The following ENTPD1 variants were observed in gnomAD, a reference collection of about 807,000 sequenced individuals.
ENTPD1 encodes ATP diphosphohydrolase.
Under a neutral mutation model 57.0 loss-of-function variants are expected in ENTPD1, and 33 were observed. The ratio of observed to expected loss-of-function variants is 0.58; its 90% CI spans 0.44 to 0.77. The LOEUF (loss-of-function observed/expected upper bound fraction) is 0.77, where lower values mean the gene tolerates loss of function less well. ENTPD1 is among the 30% of genes least tolerant of loss of function. The pLI is 0.00. For missense variants in ENTPD1, 501 were observed against 603.4 expected (o/e 0.83, Z 1.78); for synonymous variants, 202 against 218.8 (o/e 0.92, Z 0.68).
chr10:95,807,425 T>C (rs1251111391), intron 1 of ENTPD1, among the ~76,000 whole-genome samples: 1 of 152,226 alleles, frequency 6.6e-6, no homozygotes, highest in East Asian at 1.9e-4. Flanking sequence ...ACAGCTTCCC[T>C]TGGCTAGGAA....
chr10:95,801,686 A>G (rs961132213), intron 1 of ENTPD1, among the ~76,000 whole-genome samples: 21 of 151,704 alleles, frequency 1.4e-4, no homozygotes, highest in African/African-American at 4.6e-4. Flanking sequence ...CCATTGGTCT[A>G]TGTGTCTGAT....
chr10:95,777,218 T>C (rs938274107), intron 1 of ENTPD1, among the ~76,000 whole-genome samples: 3 of 152,210 alleles, frequency 2.0e-5, no homozygotes, highest in Admixed American at 6.5e-5. Context: ...GCCCTCTGGT[T>C]TTTAGAATTT....
chr10:95,757,802 C>T (rs1467855995), intron 1 of ENTPD1, among the ~76,000 whole-genome samples: 5 of 151,590 alleles, frequency 3.3e-5, no homozygotes, highest in African/African-American at 7.3e-5. Flanking sequence ...GTCAGGAGTT[C>T]GAGACCGGCC....
Position 95,866,906 on chromosome 10 carries a change from A to G in ENTPD1, c.*523A>G, listed in dbSNP as rs943386375. 9 of 1,019,726 alleles carry G rather than the reference A, an allele frequency of 8.8e-6. No homozygotes were observed. Among genetic ancestry groups the G allele is most frequent in the East Asian group, 8.9e-5 (1 of 11,270 alleles). The allele number at this position is 1,019,726 out of a possible 1,614,324, so 63.2% of individuals were successfully genotyped here. A position where few individuals can be genotyped will look rare whatever the true frequency, so the allele number is the denominator to read the frequency against. The stretch of plus-strand genomic sequence containing the variant: ...TGCTCTGTGGGTAGGAGAATTTTCT[A>G]CAGTAGGCAAATATGTGCTAAAGCC... On this transcript the variant is annotated 3_prime_UTR_variant, in exon 10 of 10. Transcript: ENST00000371205.
rs2098474675 is a variant in ENTPD1, at chr10:95,866,467, T to A, written c.*84T>A. 1 of 1,574,810 alleles carries A rather than the reference T, an allele frequency of 6.3e-7. No individual in the cohort carries two copies. The highest frequency in any genetic ancestry group is 1.3e-5 in the African/African-American group (1 of 74,116). On this transcript the variant is annotated 3_prime_UTR_variant, in exon 10 of 10. Transcript: ENST00000371205. ...TCCTCCATCGCAGTGTTCAAGGCCA[T>A]CCTTCCCTGTCTGCCAGGGCCAGTC...
At chr10:95,805,019 G>A (rs1001771233) in intron 1 of ENTPD1, among the ~76,000 whole-genome samples, 1 of 152,130 alleles carries the variant, frequency 6.6e-6, no homozygotes, top group African/African-American at 2.4e-5. Context: ...TTGGTGCAGA[G>A]CTGAGTTCAA....
At chr10:95,732,966 G>C (rs1201243503) in intron 1 of ENTPD1, among the ~76,000 whole-genome samples, 1 of 152,200 alleles carries the variant, frequency 6.6e-6, no homozygotes, top group Non-Finnish European at 1.5e-5. Context: ...GGCACGCATT[G>C]TCATTGATAA....
chr10:95,871,301 C>T lies in ENTPD1; in HGVS notation c.*4918C>T. 1 of 984,812 alleles carries T rather than the reference C, an allele frequency of 1.0e-6. No homozygotes were observed. The highest frequency in any genetic ancestry group is 1.2e-6 in the Non-Finnish European group (1 of 829,372). The allele number at this position is 984,812 out of a possible 1,614,324, so 61.0% of individuals were successfully genotyped here. ...ACTGTAAAATATAATCTGTTTATCT[C>T]ACCAAAGAAATATTATCTTTAAAAA... On this transcript the variant is annotated 3_prime_UTR_variant, in exon 10 of 10. Coordinates refer to ENST00000371205, the MANE Select transcript of ENTPD1 (RefSeq NM_001776.6).
chr10:95,851,578 C>T (rs548051125), intron 7 of ENTPD1, among the ~76,000 whole-genome samples: 1 of 124,322 alleles, frequency 8.0e-6, no homozygotes, highest in Non-Finnish European at 1.7e-5. Context: ...ATCCCTCCCC[C>T]CTCCCCCCAC....
chr10:95,864,049 A>T (rs2098469853), intron 8 of ENTPD1, among the ~76,000 whole-genome samples: 1 of 152,198 alleles, frequency 6.6e-6, no homozygotes, highest in African/African-American at 2.4e-5. Context: ...AGGGAGTAGG[A>T]TGAGTAAACA....
chr10:95,876,539 CATCT>C lies in ENTPD1; in HGVS notation c.*10157_*10160del. The C allele has an allele frequency of 8.1e-7, 1 of 1,231,220 alleles. No homozygotes were observed. Among genetic ancestry groups the C allele is most frequent in the Non-Finnish European group, 1.0e-6 (1 of 987,686 alleles). The allele number at this position is 1,231,220 out of a possible 1,614,324, so 76.3% of individuals were successfully genotyped here. A position where few individuals can be genotyped will look rare whatever the true frequency, so the allele number is the denominator to read the frequency against. On this transcript the variant is annotated 3_prime_UTR_variant, in exon 10 of 10. Transcript: ENST00000371205. Reference sequence around the variant, plus strand: ...TTACCTTTGCAATAGTCAACTGAACCATCTTCTTGGAGTACTCATGAAGATGGAA... The same window carrying C: ...TTACCTTTGCAATAGTCAACTGAACCTCTTGGAGTACTCATGAAGATGGAA...
upstream of ENTPD1, among the ~76,000 whole-genome samples, chr10:95,707,189 C>G (rs183144588): frequency 2.0e-5 from 3 of 152,284 alleles, no homozygotes; most frequent in East Asian, 5.8e-4. Context: ...GCTGCAGCTG[C>G]ACCCGGGAGG....
In ENTPD1 at chr10:95,870,528, C is replaced by T; in HGVS notation, c.*4145C>T. 3 of 978,550 alleles carry T rather than the reference C, an allele frequency of 3.1e-6. No individual in the cohort carries two copies. Among genetic ancestry groups the T allele is most frequent in the South Asian group, 9.5e-5 (2 of 21,136 alleles). 60.6% of individuals were successfully genotyped at this position (978,550 alleles called of 1,614,324 possible). On this transcript the variant is annotated 3_prime_UTR_variant, in exon 10 of 10. Transcript: ENST00000371205. ...TCCTGCCCTCAAGCAATCCTCCTGC[C>T]TTGGCCTCCCAAAGTGTTGAGATTA...
At chr10:95,703,257 A>G in the ENTPD1 span, among the ~76,000 whole-genome samples, 2 of 152,222 alleles carry the variant, frequency 1.3e-5, no homozygotes, top group African/African-American at 2.4e-5. Context: ...GACCCACACA[A>G]AGAATTGCTA....
At chr10:95,813,176 A>G (rs537644269) in intron 1 of ENTPD1, among the ~76,000 whole-genome samples, 3 of 152,348 alleles carry the variant, frequency 2.0e-5, no homozygotes, top group Admixed American at 6.5e-5. Flanking sequence ...GTTGGGAAGT[A>G]TAGCCTCCAG....
intron 2 of ENTPD1, among the ~76,000 whole-genome samples, chr10:95,838,944 T>TC (rs1242767243): frequency 6.6e-6 from 1 of 151,888 alleles, no homozygotes; most frequent in African/African-American, 2.4e-5. Flanking sequence ...TCTTTTCATC[T>TC]CCCCCTACTC....
At chr10:95,816,043 C>G (rs959388683) in intron 1 of ENTPD1, among the ~76,000 whole-genome samples, 1 of 152,212 alleles carries the variant, frequency 6.6e-6, no homozygotes, top group Non-Finnish European at 1.5e-5. Flanking sequence ...CTGAGGCTTT[C>G]TTTCCTTTTC....
chr10:95,839,464 T>C, intron 2 of ENTPD1: 1 of 568,050 alleles, frequency 1.8e-6, no homozygotes, highest in South Asian at 1.9e-5. Flanking sequence ...CTGTTCTGCA[T>C]AAGGTCTGAA....
rs1354827875 is a variant in ENTPD1, at chr10:95,796,668, G to GA, written c.17-26569_17-26568insA. Among the ~76,000 whole-genome samples, 7 of 152,256 alleles carry GA rather than the reference G, an allele frequency of 4.6e-5. No individual in the cohort carries two copies. In the East Asian group the frequency reaches 1.3e-3, roughly 29 times the overall value. ...ATACTAGTTAGGGCCACATACTGAG[G>GA]TTTGCATTTTTAGGATGACTATGTT... On this transcript the variant is annotated intron_variant, in intron 1 of 9. Coordinates refer to ENST00000371205, the MANE Select transcript of ENTPD1 (RefSeq NM_001776.6).
Sources: allele counts gnomAD v4.1 joint callset (sites outside exome capture counted in the v4.1 genomes callset), GRCh38; gene constraint gnomAD v4.1.1; transcripts MANE v1.5; gene names NCBI Gene and HGNC (gene_info 2026-07-23, HGNC 2026-07-21).